The following IL1RL2 variants were observed in gnomAD, a reference collection of about 807,000 sequenced individuals.
IL1RL2 encodes interleukin-1 receptor-like 2.
In IL1RL2, 68 loss-of-function variants were observed where a neutral mutation model predicts 66.8. The observed-to-expected ratio is 1.02, with a 90% CI of 0.84 to 1.25. IL1RL2 has a LOEUF of 1.25. Ranked by LOEUF, IL1RL2 falls within the 50% of genes most tolerant of loss-of-function variation. The pLI is 0.00. For missense variants in IL1RL2, 729 were observed against 709.3 expected (o/e 1.03, Z -0.32); for synonymous variants, 305 against 264.6 (o/e 1.15, Z -1.48).
chr2:102,234,999 A>C lies in IL1RL2; in HGVS notation c.1400A>C (p.Glu467Ala). Residue 467 changes from glutamate (E) to alanine (A), a missense_variant, in exon 11 of 12, where the codon GAA (glutamate) becomes GCA (alanine). Coordinates refer to ENST00000264257, the MANE Select transcript of IL1RL2 (RefSeq NM_003854.4). ...LGFGLLKNLS[E>A]EQIAVYSALI... ...TTTGGCCTGTTGAAGAACCTGTCAG[A>C]AGAACAAATCGCGGTCTACAGTGCC... 1 of 1,613,872 alleles carries C rather than the reference A, an allele frequency of 6.2e-7. No homozygotes were observed. The highest frequency in any genetic ancestry group is 2.2e-5 in the East Asian group (1 of 44,880).
At position 102,239,202 on chromosome 2, in the gene IL1RL2, A is replaced by G. The variant is rs1029162154; in HGVS notation, c.1689A>G (p.Leu563=). 26 of 1,613,892 alleles carry G rather than the reference A, an allele frequency of 1.6e-5. No homozygotes were observed. The highest frequency in any genetic ancestry group is 2.1e-5 in the Non-Finnish European group (25 of 1,179,894). The change falls in exon 12 of 12, where the codon CTA becomes CTG. Residue 563 remains leucine, a synonymous_variant. Coordinates refer to ENST00000264257, the MANE Select transcript of IL1RL2 (RefSeq NM_003854.4). The stretch of plus-strand genomic sequence containing the variant: ...CTTTCCTGATTTCAGGCCCAGAACT[A>G]GGCTCAAGAAGAAAGAAGTGTACTC... ...TPCYRTAGPE[L]GSRRKKCTLT...
intron 4 of IL1RL2, among the ~76,000 whole-genome samples, chr2:102,194,770 C>T (rs1687520377): frequency 6.6e-6 from 1 of 151,932 alleles, no homozygotes; most frequent in Non-Finnish European, 1.5e-5. Flanking sequence ...TTTTTTGAGA[C>T]TAGCTCTTGC....
rs997187660 is a variant in IL1RL2 at position 102,190,872 on chromosome 2, G to T, written c.294-1053G>T. ...GTAATCTTTAATAGAAATTGACGAA[G>T]ATATTATCTGCCATGAAAGAAAATG... is the stretch of plus-strand genomic sequence containing the variant. On this transcript the variant is annotated intron_variant, in intron 3 of 11. Transcript: ENST00000264257. Among the ~76,000 whole-genome samples, 4 of 152,140 alleles carry T rather than the reference G, an allele frequency of 2.6e-5. No homozygotes were observed. The South Asian group carries it at 8.3e-4, about 32-fold the overall frequency.
Position 102,189,238 on chromosome 2 carries a change from A to T in IL1RL2, c.221A>T (p.His74Leu). The change falls in exon 3 of 12, where the codon CAC becomes CTC. Residue 74 changes from histidine (H) to leucine (L), a missense_variant. Physicochemically the swap from His to Leu is moderately conservative, Grantham distance 99. Coordinates refer to ENST00000264257, the MANE Select transcript of IL1RL2 (RefSeq NM_003854.4). ...PVSKIIQSRI[H>L]QDETWILFLP... Reference sequence around the variant, plus strand: ...TCCAAAATCATACAGTCTAGAATTCACCAGGACGAGACTTGGATTTTGTTT... The same window carrying T: ...TCCAAAATCATACAGTCTAGAATTCTCCAGGACGAGACTTGGATTTTGTTT... 14 of 1,614,106 alleles carry T rather than the reference A, an allele frequency of 8.7e-6. No homozygotes were observed. The highest frequency in any genetic ancestry group is 1.2e-5 in the Non-Finnish European group (14 of 1,180,010).
chr2:102,211,902 G>A (rs1015279143), intron 5 of IL1RL2, among the ~76,000 whole-genome samples, 198 bp from the exon 6 acceptor site: 1 of 150,668 alleles, frequency 6.6e-6, no homozygotes, highest in Non-Finnish European at 1.5e-5. Context: ...TCTCTTGATA[G>A]CTCAGCTTCT....
At chr2:102,191,428 A>G (rs556439016) in intron 3 of IL1RL2, among the ~76,000 whole-genome samples, 1 of 152,188 alleles carries the variant, frequency 6.6e-6, no homozygotes, top group Non-Finnish European at 1.5e-5. Flanking sequence ...CTTTTCCAGT[A>G]CAGTTACCAA....
chr2:102,217,300 G>T (rs1689698214), intron 6 of IL1RL2, among the ~76,000 whole-genome samples: 1 of 152,048 alleles, frequency 6.6e-6, no homozygotes, highest in Non-Finnish European at 1.5e-5. Flanking sequence ...TTCATGAATT[G>T]GAAGAATTAA....
At chr2:102,187,389 C>A (rs1358011246) in intron 1 of IL1RL2, 2 of 1,144,738 alleles carry the variant, frequency 1.7e-6, no homozygotes, top group Non-Finnish European at 2.2e-6. Context: ...TTTGGGGTTT[C>A]TGTTTAGACC....
intron 6 of IL1RL2, among the ~76,000 whole-genome samples, chr2:102,215,824 C>T (rs13028635): frequency 0.05 from 7,541 of 152,198 alleles, 213 homozygotes; most frequent in Middle Eastern, 0.15. Context: ...GAACCAAAGC[C>T]AACATACCTT....
At chr2:102,210,300 A>T (rs890090485) in intron 5 of IL1RL2, among the ~76,000 whole-genome samples, 38 of 152,234 alleles carry the variant, frequency 2.5e-4, no homozygotes, top group Middle Eastern at 3.4e-3. Flanking sequence ...GCAGGTGATG[A>T]GGTTGGGTAA....
rs1009480890 is a variant in IL1RL2 at position 102,232,685 on chromosome 2, G to A, written c.1136-278G>A. Among the ~76,000 whole-genome samples, 10 of 152,116 alleles carry A rather than the reference G, an allele frequency of 6.6e-5. No individual in the cohort carries two copies. In the South Asian group the frequency reaches 8.3e-4, roughly 13 times the overall value. ...TGGTGGACTTAGACTCAAAAGACGT[G>A]GGGTAGGGGTAGGGTTAGGGATTGC... On this transcript the variant is annotated intron_variant, in intron 9 of 11. Transcript: ENST00000264257.
In IL1RL2 at chr2:102,187,094, C is replaced by G; in HGVS notation, c.-13+8C>G. On this transcript the variant is annotated splice_region_variant and intron_variant, in intron 1 of 11. Transcript: ENST00000264257. ...CTTCAATCCTGCAGGCAGGTAGACA[C>G]CGGGCCGGGAGTCTGGCTGAGCCAG... 3 of 1,289,818 alleles carry G rather than the reference C, an allele frequency of 2.3e-6. No homozygotes were observed. The highest frequency in any genetic ancestry group is 1.2e-5 in the South Asian group (1 of 81,030). The allele number at this position is 1,289,818 out of a possible 1,614,324, so 79.9% of individuals were successfully genotyped here. A position where few individuals can be genotyped will look rare whatever the true frequency, so the allele number is the denominator to read the frequency against.
intron 10 of IL1RL2, among the ~76,000 whole-genome samples, chr2:102,234,518 G>A (rs1460376387): frequency 2.0e-5 from 3 of 152,160 alleles, no homozygotes; most frequent in African/African-American, 7.2e-5. Context: ...TTTTGGCCAG[G>A]CAAGGTGGCT....
intron 10 of IL1RL2, 102 bp downstream of exon 10, chr2:102,233,226 T>G: frequency 8.7e-7 from 1 of 1,150,298 alleles, no homozygotes; most frequent in Non-Finnish European, 1.2e-6. Flanking sequence ...GCCTTCCCCA[T>G]GGAACCACAG....
intron 4 of IL1RL2, among the ~76,000 whole-genome samples, chr2:102,195,424 A>T (rs1214738166): frequency 2.0e-5 from 3 of 151,022 alleles, no homozygotes; most frequent in Non-Finnish European, 4.4e-5. Flanking sequence ...GTCAAATGTA[A>T]TTTTTTTCTC....
rs1219853689 is a variant in IL1RL2 at position 102,192,027 on chromosome 2, C to G, written c.396C>G (p.Tyr132Ter). 4 of 1,612,714 alleles carry G rather than the reference C, an allele frequency of 2.5e-6. No individual in the cohort carries two copies. The highest frequency in any genetic ancestry group is 3.4e-6 in the Non-Finnish European group (4 of 1,179,294). ...IGGLPNLSDE[Y>*]KQILHLGKDD... ...GTTTACCAAATTTATCAGATGAGTA[C>G]AAGCAAATATTACATCTTGGAAAAG... is the stretch of plus-strand genomic sequence containing the variant. The change falls in exon 4 of 12, where the codon TAC (tyrosine) becomes TAG (stop). Residue 132 changes from tyrosine (Y) to a stop codon, truncating the protein, a stop_gained. Transcript: ENST00000264257. LOFTEE classifies it high-confidence loss of function.
chr2:102,235,934 G>C (rs570929102), intron 11 of IL1RL2: 22 of 985,352 alleles, frequency 2.2e-5, no homozygotes, highest in Non-Finnish European at 2.2e-5. Context: ...TGTTTGAGAG[G>C]CTTTATCTGT....
intron 4 of IL1RL2, among the ~76,000 whole-genome samples, chr2:102,195,645 C>CTCTCTCTTTCTTTCTT (rs1559530440): frequency 4.9e-5 from 1 of 20,236 alleles, no homozygotes; most frequent in Non-Finnish European, 1.2e-4. Context: ...CTCTCTCTCT[C>CTCTCTCTTTCTTTCTT]TCTTTCTTTC....
At chr2:102,233,278 C>G (rs1377740628) in intron 10 of IL1RL2, among the ~76,000 whole-genome samples, 154 bp downstream of exon 10, 2 of 152,112 alleles carry the variant, frequency 1.3e-5, no homozygotes, top group African/African-American at 4.8e-5. Context: ...GCCCCCAGCC[C>G]CCAGCCAAGG....
Sources: allele counts gnomAD v4.1 joint callset (sites outside exome capture counted in the v4.1 genomes callset), GRCh38; gene constraint gnomAD v4.1.1; transcripts MANE v1.5; gene names NCBI Gene and HGNC (gene_info 2026-07-23, HGNC 2026-07-21).